ABR: variants seen among roughly 807,000 people sequenced by gnomAD.
The protein encoded by ABR is active breakpoint cluster region-related protein.
Under a neutral mutation model 107.2 loss-of-function variants are expected in ABR, and 35 were observed. That is an observed-to-expected ratio of 0.33 (90% CI 0.25 to 0.43). The LOEUF (loss-of-function observed/expected upper bound fraction) is 0.43. ABR is among the 20% of genes least tolerant of loss of function. The probability of loss-of-function intolerance (pLI) is 1.00; values close to 1 mark genes in which losing one functional copy is unlikely to be tolerated. For missense variants in ABR, 815 were observed against 1,115.2 expected, an observed-to-expected ratio of 0.73 and a Z score of 3.83; for synonymous variants, 498 against 462.0, an observed-to-expected ratio of 1.08 and a Z score of -1.00.
At chr17:1,113,256 T>G (rs1160080508) in intron 2 of ABR, among the ~76,000 whole-genome samples, 3 of 141,746 alleles carry the variant, frequency 2.1e-5, no homozygotes, top group Non-Finnish European at 4.5e-5. Flanking sequence ...CTGGAAGGGA[T>G]AACATGGAAA....
chr17:1,189,074 C>T (rs554835189), upstream of ABR, among the ~76,000 whole-genome samples: 6 of 152,292 alleles, frequency 3.9e-5, no homozygotes, highest in African/African-American at 1.2e-4. Flanking sequence ...ACACACAGTC[C>T]GGTGCCAGGA....
At chr17:1,043,875 T>C (rs1186585921) in intron 16 of ABR, among the ~76,000 whole-genome samples, 3 of 152,050 alleles carry the variant, frequency 2.0e-5, no homozygotes, top group African/African-American at 7.2e-5. Context: ...GTCCCCAGCC[T>C]GCGGTGAGCG....
At chr17:1,091,999 A>C (rs2037063062) in intron 3 of ABR, 149 bp from the exon 4 acceptor site, 1 of 806,348 alleles carries the variant, frequency 1.2e-6, no homozygotes, top group African/African-American at 1.7e-5. Flanking sequence ...CGAGCTTTGT[A>C]TCAAGGAGCC....
chr17:1,123,643 C>T lies in ABR; in HGVS notation c.246+1540G>A, dbSNP rs761689861. ...AGACCCTGGCCCCACACCGGGATTC[C>T]GCAGCATCTTCCTGCAGCTGCTCAC... On this transcript the variant is annotated intron_variant, in intron 2 of 22. Coordinates refer to ENST00000302538, the MANE Select transcript of ABR (RefSeq NM_021962.5). Among the ~76,000 whole-genome samples, 33 of 152,348 alleles carry T rather than the reference C, an allele frequency of 2.2e-4. No individual in the cohort carries two copies. The Middle Eastern group carries it at 0.01, about 47-fold the overall frequency.
At chr17:1,153,014 A>G (rs540785341) in intron 1 of ABR, among the ~76,000 whole-genome samples, 2 of 151,920 alleles carry the variant, frequency 1.3e-5, no homozygotes, top group East Asian at 2.0e-4. Flanking sequence ...GCCTGAACCA[A>G]TGAGCCGAGA....
At chr17:1,113,296 T>TC in intron 2 of ABR, among the ~76,000 whole-genome samples, 1 of 144,484 alleles carries the variant, frequency 6.9e-6, no homozygotes. Context: ...TTTTTTTTTT[T>TC]TTTTTTTTGA....
chr17:1,222,309 C>T (rs1333385922), intron 1 of ABR, among the ~76,000 whole-genome samples: 2 of 152,136 alleles, frequency 1.3e-5, no homozygotes, highest in Admixed American at 6.5e-5. Context: ...AAGTGATCCA[C>T]CCACCTCGGC....
At chr17:1,031,578 C>A (rs1379047492) in intron 16 of ABR, 3 of 1,114,190 alleles carry the variant, frequency 2.7e-6, no homozygotes, top group Non-Finnish European at 3.4e-6. Context: ...CCCCCCGGAA[C>A]CTCCAGCCCC....
chr17:1,137,753 G>A lies in ABR; in HGVS notation c.62-12386C>T, dbSNP rs946928572. On this transcript the variant is annotated intron_variant, in intron 1 of 22. Transcript: ENST00000302538. ...AAGCTCAACTAAGCATGGAGGTGCC[G>A]TAAAGCGAGGTACGCCTGCACATGA... Among the ~76,000 whole-genome samples the A allele has an allele frequency of 2.6e-5, 4 of 152,190 alleles. No individual in the cohort carries two copies. In the South Asian group the frequency reaches 8.3e-4, roughly 32 times the overall value.
At chr17:1,205,899 G>A (rs1008130305) in intron 1 of ABR, among the ~76,000 whole-genome samples, 12 of 151,904 alleles carry the variant, frequency 7.9e-5, no homozygotes, top group Non-Finnish European at 1.2e-4. Flanking sequence ...CTGAGATTGC[G>A]CCACTGCACT....
chr17:1,107,306 G>A (rs2151378798), intron 2 of ABR, among the ~76,000 whole-genome samples: 1 of 152,356 alleles, frequency 6.6e-6, no homozygotes, highest in East Asian at 1.9e-4. Flanking sequence ...GGAACCTGGT[G>A]CACCCTTCGT....
chr17:1,224,786 C>A (rs1195080154), intron 1 of ABR, among the ~76,000 whole-genome samples: 1 of 152,142 alleles, frequency 6.6e-6, no homozygotes, highest in Non-Finnish European at 1.5e-5. Flanking sequence ...GTGATCCTCC[C>A]ACTTCAGCCT....
intron 2 of ABR, among the ~76,000 whole-genome samples, chr17:1,109,641 A>C (rs1321778664): frequency 6.6e-6 from 1 of 151,564 alleles, no homozygotes; most frequent in Non-Finnish European, 1.5e-5. Flanking sequence ...CGACCCCCAG[A>C]GCCACCCCGG....
chr17:1,019,504 G>A (rs2071455164), intron 16 of ABR, among the ~76,000 whole-genome samples: 1 of 151,506 alleles, frequency 6.6e-6, no homozygotes, highest in Non-Finnish European at 1.5e-5. Context: ...CCTGCTGCAG[G>A]TGTGGCCCTG....
chr17:1,038,231 C>T (rs1177098165), intron 16 of ABR, among the ~76,000 whole-genome samples: 1 of 152,154 alleles, frequency 6.6e-6, no homozygotes, highest in Non-Finnish European at 1.5e-5. Flanking sequence ...ACAGCTCAAA[C>T]CTTAGGTTCC....
intron 16 of ABR, among the ~76,000 whole-genome samples, chr17:1,046,419 T>A (rs984187941): frequency 9.3e-5 from 14 of 151,304 alleles, no homozygotes; most frequent in Non-Finnish European, 1.3e-4. Context: ...TATGGGCGCG[T>A]GCCACCACGC....
In ABR at chr17:1,010,975, C is replaced by T; in HGVS notation, c.2102-112G>A. ...CACTCCAGCTCTGGTTCTGGTCTCC[C>T]CTGGAAGAGCAGGATGTAGAGAGGG... On this transcript the variant is annotated intron_variant, in intron 19 of 22. Coordinates refer to ENST00000302538, the MANE Select transcript of ABR (RefSeq NM_021962.5). The surrounding 1 kb of genome is among the most constrained non-coding windows in gnomAD (Gnocchi z 4.1). 7.0e-7 allele frequency: 1 copy of T among 1,420,928 alleles called. No individual in the cohort carries two copies. Among genetic ancestry groups the T allele is most frequent in the Non-Finnish European group, 9.7e-7 (1 of 1,035,730 alleles). The allele number at this position is 1,420,928 out of a possible 1,614,324, so 88.0% of individuals were successfully genotyped here. A position where few individuals can be genotyped will look rare whatever the true frequency, so the allele number is the denominator to read the frequency against.
chr17:1,036,303 CCCAGAGAGT>C (rs1362042131), intron 16 of ABR, among the ~76,000 whole-genome samples: 1 of 152,084 alleles, frequency 6.6e-6, no homozygotes, highest in African/African-American at 2.4e-5. Context: ...CAAGAGGCCG[CCCAGAGAGT>C]CCAGAGCCCA....
At chr17:1,125,018 GA>G (rs111295928) in intron 2 of ABR, among the ~76,000 whole-genome samples, 164 bp downstream of exon 2, 4,870 of 152,212 alleles carry the variant, frequency 0.032, 281 homozygotes, top group African/African-American at 0.11. Context: ...CCGAGCCTGA[GA>G]GGGGTCCAGG....
Sources: gnomAD v4.1 joint callset for allele counts (sites outside exome capture counted in the v4.1 genomes callset) on GRCh38, gnomAD v4.1.1 for gene constraint, Gnocchi (gnomAD v3.1) non-coding constraint, MANE v1.5 for transcripts, NCBI Gene and HGNC (gene_info 2026-07-23, HGNC 2026-07-21) for gene names.